The following SRPK2 variants were observed in gnomAD, a reference collection of about 807,000 sequenced individuals.
SRPK2 encodes SFRS protein kinase 2.
Under a neutral mutation model 90.8 loss-of-function variants are expected in SRPK2, and 21 were observed. The ratio of observed to expected loss-of-function variants is 0.23; its 90% CI spans 0.16 to 0.33. The LOEUF is 0.33. SRPK2 is among the 10% of genes least tolerant of loss of function. SRPK2 has a pLI of 1.00. For missense variants in SRPK2, 620 were observed against 869.0 expected, an observed-to-expected ratio of 0.71 and a Z score of 3.60; for synonymous variants, 288 against 311.1, an observed-to-expected ratio of 0.93 and a Z score of 0.78.
At chr7:105,307,054 G>C (rs971119031) in intron 2 of SRPK2, among the ~76,000 whole-genome samples, 2 of 152,140 alleles carry the variant, frequency 1.3e-5, no homozygotes, top group Non-Finnish European at 2.9e-5. Context: ...AAACACAAAG[G>C]CAGCTCAAAA....
At chr7:105,181,410 G>C (rs992303454) in intron 3 of SRPK2, among the ~76,000 whole-genome samples, 1 of 152,108 alleles carries the variant, frequency 6.6e-6, no homozygotes, top group Non-Finnish European at 1.5e-5. Flanking sequence ...AAAGACACAC[G>C]CACGCACGTG....
intron 3 of SRPK2, among the ~76,000 whole-genome samples, chr7:105,200,985 T>C (rs536498536): frequency 6.6e-6 from 1 of 152,326 alleles, no homozygotes; most frequent in East Asian, 1.9e-4. Context: ...TGTATTTTGA[T>C]ATATAGGAGA....
chr7:105,185,934 A>G (rs553108339), intron 3 of SRPK2, among the ~76,000 whole-genome samples: 2 of 152,334 alleles, frequency 1.3e-5, no homozygotes, highest in South Asian at 4.1e-4. Flanking sequence ...GTCCTAAAAA[A>G]GGGGGTTAGT....
At chr7:105,175,188 G>T (rs1791684082) in intron 3 of SRPK2, among the ~76,000 whole-genome samples, 1 of 150,948 alleles carries the variant, frequency 6.6e-6, no homozygotes. Flanking sequence ...CACAAAGTAT[G>T]TCCTCAGACC....
chr7:105,387,246 G>A (rs1821715638), intron 2 of SRPK2, among the ~76,000 whole-genome samples: 1 of 152,168 alleles, frequency 6.6e-6, no homozygotes, highest in South Asian at 2.1e-4. Context: ...ATTAAGAGCT[G>A]TGATTAAAAC....
intron 2 of SRPK2, among the ~76,000 whole-genome samples, chr7:105,205,619 A>G (rs907618377): frequency 6.6e-6 from 1 of 150,612 alleles, no homozygotes; most frequent in Non-Finnish European, 1.5e-5. Flanking sequence ...CAGAAGTACA[A>G]GAATCTTTCT....
chr7:105,308,690 G>T (rs186946004), intron 2 of SRPK2, among the ~76,000 whole-genome samples: 5 of 152,246 alleles, frequency 3.3e-5, no homozygotes, highest in African/African-American at 1.2e-4. Flanking sequence ...TTCAACTAAA[G>T]ATTCTTTTCC....
In SRPK2 at chr7:105,394,548, TAAC is replaced by T. The variant is rs529140277; in HGVS notation, n.153+4605_153+4607del. On this transcript the variant is annotated intron_variant and non_coding_transcript_variant, in intron 1 of 3. Coordinates refer to the SRPK2 transcript ENST00000462282. ...CTTAATTACAACATCTGGAAAGTGA[TAAC>T]AACATGTACTAATACTAGTCCTCAT... Among the ~76,000 whole-genome samples, 339 of 152,352 alleles carry T rather than the reference TAAC, an allele frequency of 2.2e-3. 1 individual carries two copies. The highest frequency in any genetic ancestry group is 6.8e-3 in the Middle Eastern group (2 of 294).
chr7:105,291,898 G>A (rs1315700998), intron 2 of SRPK2, among the ~76,000 whole-genome samples: 1 of 152,120 alleles, frequency 6.6e-6, no homozygotes, highest in Non-Finnish European at 1.5e-5. Flanking sequence ...TATTCTTTAT[G>A]CTTATAATTT....
chr7:105,383,040 T>A (rs73716698), intron 2 of SRPK2, among the ~76,000 whole-genome samples: 1,508 of 142,894 alleles, frequency 0.011, 33 homozygotes, highest in African/African-American at 0.037. Context: ...CTGAAATTAT[T>A]TCAAAAGTAA....
chr7:105,209,104 G>C (rs1796553978), intron 2 of SRPK2, among the ~76,000 whole-genome samples: 1 of 152,182 alleles, frequency 6.6e-6, no homozygotes, highest in South Asian at 2.1e-4. Flanking sequence ...AATATGCATA[G>C]TCTCTTTTAC....
intron 2 of SRPK2, among the ~76,000 whole-genome samples, chr7:105,372,574 C>T (rs1270880501): frequency 6.6e-6 from 1 of 152,178 alleles, no homozygotes; most frequent in African/African-American, 2.4e-5. Flanking sequence ...AAAAAACTCT[C>T]TGAGCACTAA....
intron 2 of SRPK2, among the ~76,000 whole-genome samples, chr7:105,277,011 A>G (rs1806592350): frequency 6.6e-6 from 1 of 151,790 alleles, no homozygotes; most frequent in Non-Finnish European, 1.5e-5. Context: ...TCTATTTCAC[A>G]TGTTTACACA....
At chr7:105,340,534 C>G (rs1815641992) in intron 2 of SRPK2, among the ~76,000 whole-genome samples, 1 of 151,782 alleles carries the variant, frequency 6.6e-6, no homozygotes, top group South Asian at 2.1e-4. Flanking sequence ...TGCCCAAGCT[C>G]CCAAGTAGGT....
intron 2 of SRPK2, among the ~76,000 whole-genome samples, chr7:105,387,425 T>A (rs1173286242): frequency 1.3e-5 from 2 of 152,164 alleles, no homozygotes; most frequent in Non-Finnish European, 2.9e-5. Flanking sequence ...TTTTAACATC[T>A]TATGAATTCA....
intron 2 of SRPK2, among the ~76,000 whole-genome samples, chr7:105,354,904 CT>C (rs1817612820): frequency 6.6e-6 from 1 of 152,164 alleles, no homozygotes; most frequent in Admixed American, 6.6e-5. Flanking sequence ...ATATTTCCCC[CT>C]CCCCACCAGC....
At chr7:105,164,593 G>A (rs1405459485) in intron 6 of SRPK2, among the ~76,000 whole-genome samples, 1 of 152,164 alleles carries the variant, frequency 6.6e-6, no homozygotes, top group Non-Finnish European at 1.5e-5. Flanking sequence ...TTACAAAAGT[G>A]TCTTGAACTT....
At chr7:105,135,742 C>T (rs1304919625) in intron 11 of SRPK2, among the ~76,000 whole-genome samples, 7 of 151,860 alleles carry the variant, frequency 4.6e-5, no homozygotes, top group Non-Finnish European at 5.9e-5. Flanking sequence ...AAAGACCCAT[C>T]ACCTCACATT....
At chr7:105,258,417 C>CAAAAAAAA (rs33941320) in intron 2 of SRPK2, among the ~76,000 whole-genome samples, 10 of 121,616 alleles carry the variant, frequency 8.2e-5, no homozygotes, top group East Asian at 2.5e-4. Context: ...AACTCGGTCT[C>CAAAAAAAA]AAAAAAAAAA....
Sources: gnomAD v4.1 joint callset for allele counts (sites outside exome capture counted in the v4.1 genomes callset) on GRCh38, gnomAD v4.1.1 for gene constraint, MANE v1.5 for transcripts, NCBI Gene and HGNC (gene_info 2026-07-23, HGNC 2026-07-21) for gene names.